The following PNPLA4 variants were observed in gnomAD, a reference collection of about 807,000 sequenced individuals.
PNPLA4 encodes the protein patatin like domain 4, phospholipase and triacylglycerol lipase.
A neutral mutation model predicts 18.3 loss-of-function variants in PNPLA4; 15 were observed. That is an observed-to-expected ratio of 0.82 (90% confidence interval 0.55 to 1.26). The LOEUF is 1.26. Among genes scored for constraint, PNPLA4 ranks in the 50% most tolerant of loss-of-function variants. The pLI, the probability that PNPLA4 is intolerant of heterozygous loss-of-function variation, is 0.00. For missense variants in PNPLA4, 229 were observed against 196.8 expected, an observed-to-expected ratio of 1.16 and a Z score of -0.98; for synonymous variants, 88 against 85.6, an observed-to-expected ratio of 1.03 and a Z score of -0.16.
At chrX:7,924,982 G>C (rs1924346887) in intron 2 of PNPLA4, among the ~76,000 whole-genome samples, 1 of 111,704 alleles carries the variant, frequency 9.0e-6, no homozygotes, top group Non-Finnish European at 1.9e-5. Context: ...AGTTTAGGGG[G>C]AATTTTCCGA....
Position 7,920,723 on chromosome X carries a change from A to G in PNPLA4, c.411+990T>C, listed in dbSNP as rs561860555. 1.2e-4 allele frequency among the ~76,000 whole-genome samples: 13 copies of G among 112,473 alleles called. No individual in the cohort carries two copies. The South Asian group carries it at 4.4e-3, about 38-fold the overall frequency. On this transcript the variant is annotated intron_variant, in intron 4 of 6. Coordinates refer to ENST00000381042, the MANE Select transcript of PNPLA4 (RefSeq NM_004650.3). ...CCCTACAAATATTCAGTGCATTACC[A>G]CAGCAGGCACATTGGTATTTGGAAA...
At chrX:7,915,932 T>G (rs753741800) in intron 4 of PNPLA4, among the ~76,000 whole-genome samples, 1 of 112,016 alleles carries the variant, frequency 8.9e-6, no homozygotes, top group Non-Finnish European at 1.9e-5. Context: ...TTAAGAGCAT[T>G]CTCACACATG....
intron 4 of PNPLA4, among the ~76,000 whole-genome samples, chrX:7,912,829 C>G (rs989394876): frequency 8.9e-6 from 1 of 111,994 alleles, no homozygotes; most frequent in Non-Finnish European, 1.9e-5. Flanking sequence ...TATAATCTTT[C>G]AACTGATAAG....
chrX:7,900,804 T>G lies in PNPLA4; in HGVS notation c.644A>C (p.Asn215Thr), dbSNP rs776513149. The G allele has an allele frequency of 8.3e-7, 1 of 1,202,033 alleles. No homozygotes were observed. Among genetic ancestry groups the G allele is most frequent in the Admixed American group, 2.2e-5 (1 of 44,881 alleles). The stretch of plus-strand genomic sequence containing the variant: ...AAGGGCTTGGTTGAGTCTCACCAGG[T>G]TTGCCAGGGACAACTAGAATAAAAA... ...AKQDIMLSLA[N>T]LVRLNQALFP... The change falls in exon 7 of 7, where the codon AAC becomes ACC. Residue 215 changes from asparagine to threonine, a missense_variant. By Grantham distance (65) the Asn-to-Thr change is moderately conservative. Coordinates refer to ENST00000381042, the MANE Select transcript of PNPLA4 (RefSeq NM_004650.3).
chrX:7,916,823 A>G (rs1440502862), intron 4 of PNPLA4, among the ~76,000 whole-genome samples: 2 of 111,908 alleles, frequency 1.8e-5, no homozygotes, highest in South Asian at 3.7e-4. Flanking sequence ...TAAATCTCTC[A>G]GACGGGAAAT....
intron 2 of PNPLA4, among the ~76,000 whole-genome samples, chrX:7,925,458 C>T (rs1924362571): frequency 8.9e-6 from 1 of 112,273 alleles, no homozygotes; most frequent in African/African-American, 3.2e-5. Context: ...TTGCTTGGAA[C>T]TCAGAGCTTC....
chrX:7,900,769 T>C lies in PNPLA4; in HGVS notation c.679A>G (p.Ser227Gly), dbSNP rs752409252. The C allele has an allele frequency of 2.4e-5, 29 of 1,201,753 alleles. No individual in the cohort carries two copies. Among genetic ancestry groups the C allele is most frequent in the Non-Finnish European group, 2.9e-5 (26 of 888,787 alleles). The change falls in exon 7 of 7, where the codon AGC (serine) becomes GGC (glycine). Residue 227 changes from serine (S) to glycine (G), a missense_variant. Physicochemically the swap from Ser to Gly is moderately conservative, Grantham distance 56 (BLOSUM62 0). Transcript: ENST00000381042. Reference sequence around the variant, plus strand: ...TACAAAGATTCCATTTTCCTCTTGCTTGGGGGAAAAAGGGCTTGGTTGAGT... The same window carrying C: ...TACAAAGATTCCATTTTCCTCTTGCCTGGGGGAAAAAGGGCTTGGTTGAGT... ...VRLNQALFPP[S>G]KRKMESLYQC... is the part of the protein sequence containing the mutation.
chrX:7,922,414 G>A (rs1405230348), intron 2 of PNPLA4, among the ~76,000 whole-genome samples: 1 of 112,340 alleles, frequency 8.9e-6, no homozygotes, highest in Non-Finnish European at 1.9e-5. Context: ...TTTCCTCAGC[G>A]CAATTAACCT....
At chrX:7,909,416 G>A (rs1307857356) in intron 5 of PNPLA4, among the ~76,000 whole-genome samples, 3 of 110,567 alleles carry the variant, frequency 2.7e-5, no homozygotes, top group Non-Finnish European at 5.7e-5. Flanking sequence ...AAAATTAGCC[G>A]GGCTTGGTGG....
In PNPLA4 at chrX:7,922,055, C is replaced by T. The variant is rs863223374; in HGVS notation, c.224G>A (p.Arg75Lys). The change falls in exon 3 of 7, where the codon AGG (arginine) becomes AAG (lysine). Residue 75 changes from arginine to lysine, a missense_variant. Transcript: ENST00000381042. ...FTYKFAEEIR[R>K]QSFGAVTPGY... ...GGGCGTTACTGCCCCGAAAGACTGC[C>T]TTCTGATTTCTTCGGCAAACTTGTA... 8.3e-7 allele frequency: 1 copy of T among 1,207,013 alleles called. No individual in the cohort carries two copies. Among genetic ancestry groups the T allele is most frequent in the Middle Eastern group, 2.3e-4 (1 of 4,341 alleles).
At chrX:7,920,825 A>G (rs987080503) in intron 4 of PNPLA4, among the ~76,000 whole-genome samples, 53 of 112,965 alleles carry the variant, frequency 4.7e-4, no homozygotes, top group African/African-American at 1.7e-3. Context: ...ATAGAAAGAC[A>G]TCAGAACAAA....
At chrX:7,912,513 G>A (rs1181851706) in intron 4 of PNPLA4, among the ~76,000 whole-genome samples, 3 of 111,844 alleles carry the variant, frequency 2.7e-5, no homozygotes, top group Non-Finnish European at 3.8e-5. Flanking sequence ...AGATTAGTCC[G>A]CAGCTCAGAG....
Position 7,899,999 on chromosome X carries a change from T to A in PNPLA4, c.*687A>T, listed in dbSNP as rs190479877. The A allele has an allele frequency of 2.9e-3, 337 of 114,656 alleles. 2 individuals are homozygous for A. Among genetic ancestry groups the A allele is most frequent in the African/African-American group, 0.011 (331 of 30,847 alleles). The allele number at this position is 114,656 out of a possible 1,213,427, so 9.4% of individuals were successfully genotyped here. A position where few individuals can be genotyped will look rare whatever the true frequency, so the allele number is the denominator to read the frequency against. ...AGTGAACGAGTCTCAAGAGATCCGA[T>A]GGTTTTATAAAGGGGAGTTTCCCTG... On this transcript the variant is annotated 3_prime_UTR_variant, in exon 7 of 7. Transcript: ENST00000381042.
intron 5 of PNPLA4, among the ~76,000 whole-genome samples, chrX:7,908,703 G>A (rs1923784540): frequency 8.9e-6 from 1 of 112,018 alleles, no homozygotes; most frequent in Non-Finnish European, 1.9e-5. Context: ...TTAAACAACA[G>A]AGGAAAACTG....
chrX:7,902,564 C>CA (rs1157692803), intron 5 of PNPLA4, among the ~76,000 whole-genome samples: 2 of 112,067 alleles, frequency 1.8e-5, no homozygotes, highest in Non-Finnish European at 3.8e-5. Context: ...GTAAATACAG[C>CA]AACTAGAAAT....
rs1039139086 is a variant in PNPLA4, at chrX:7,926,006, G to C, written c.114C>G (p.Ala38=). The C allele has an allele frequency of 8.3e-7, 1 of 1,210,633 alleles. No homozygotes were observed. Among genetic ancestry groups the C allele is most frequent in the African/African-American group, 1.7e-5 (1 of 57,484 alleles). Residue 38 remains alanine (A), a synonymous_variant, in exon 2 of 7, where the codon GCC becomes GCG. Transcript: ENST00000381042. ...HGKKLVKDVK[A]FAGASAGSLV... is the part of the protein sequence containing the mutation. Reference sequence around the variant, plus strand: ...ACGATCCCGCAGACGCCCCAGCGAAGGCTTTGACATCCTTCACAAGTTTTT... The same window carrying C: ...ACGATCCCGCAGACGCCCCAGCGAACGCTTTGACATCCTTCACAAGTTTTT...
At chrX:7,918,240 A>C (rs983864603) in intron 4 of PNPLA4, among the ~76,000 whole-genome samples, 3 of 111,802 alleles carry the variant, frequency 2.7e-5, no homozygotes, top group Non-Finnish European at 5.6e-5. Flanking sequence ...GGTAAATTAT[A>C]AAGAAAAAGA....
At chrX:7,904,120 G>C (rs1332844781) in intron 5 of PNPLA4, among the ~76,000 whole-genome samples, 1 of 111,820 alleles carries the variant, frequency 8.9e-6, no homozygotes. Context: ...GGAAAAGAAA[G>C]ACAGCTTCCA....
intron 2 of PNPLA4, among the ~76,000 whole-genome samples, chrX:7,922,828 A>T (rs1460558473): frequency 8.9e-6 from 1 of 111,965 alleles, no homozygotes; most frequent in African/African-American, 3.2e-5. Flanking sequence ...TTTGGCAACC[A>T]ACTGGGCACC....
Sources: gnomAD v4.1 joint callset for allele counts (sites outside exome capture counted in the v4.1 genomes callset) on GRCh38, gnomAD v4.1.1 for gene constraint, MANE v1.5 for transcripts, NCBI Gene and HGNC (gene_info 2026-07-23, HGNC 2026-07-21) for gene names.